The following CSMD1 variants were observed in gnomAD, a reference collection of about 807,000 sequenced individuals.
CSMD1 encodes CUB and Sushi multiple domains 1.
CSMD1 carries 213 observed loss-of-function variants against 417.5 expected under a neutral mutation model. That is an observed-to-expected ratio of 0.51 (90% CI 0.46 to 0.57). CSMD1 has a LOEUF of 0.57. CSMD1 is among the 20% of genes least tolerant of loss of function. The pLI, the probability that CSMD1 is intolerant of heterozygous loss-of-function variation, is 0.00. For missense variants in CSMD1, 6,923 were observed against 4,529.7 expected (o/e 1.53, Z -15.17); for synonymous variants, 2,862 against 1,736.8 (o/e 1.65, Z -16.11).
intron 1 of CSMD1, among the ~76,000 whole-genome samples, chr8:4,947,031 C>G (rs973792731): frequency 2.0e-5 from 3 of 152,106 alleles, no homozygotes; most frequent in African/African-American, 7.2e-5. Flanking sequence ...TAAGAACTTT[C>G]TTTTACCAGT....
chr8:4,236,024 T>G, intron 3 of CSMD1, among the ~76,000 whole-genome samples: 1 of 18,056 alleles, frequency 5.5e-5, no homozygotes, highest in African/African-American at 6.4e-5. Context: ...TTAATGGATA[T>G]TGTTTTTTTT....
chr8:4,695,062 T>A (rs1563158784), intron 1 of CSMD1, among the ~76,000 whole-genome samples: 1 of 152,204 alleles, frequency 6.6e-6, no homozygotes, highest in Non-Finnish European at 1.5e-5. Flanking sequence ...CTTATGGGAA[T>A]GTTCTTAACT....
chr8:4,188,346 A>G (rs1438825733), intron 3 of CSMD1, among the ~76,000 whole-genome samples: 1 of 152,172 alleles, frequency 6.6e-6, no homozygotes. Flanking sequence ...AGACAATGCA[A>G]ACCGAGGTGC....
At chr8:3,270,665 T>C (rs1055628702) in intron 26 of CSMD1, among the ~76,000 whole-genome samples, 12 of 152,188 alleles carry the variant, frequency 7.9e-5, no homozygotes, top group African/African-American at 2.9e-4. Flanking sequence ...CAGTATCAAG[T>C]ACTTCTGATA....
intron 1 of CSMD1, among the ~76,000 whole-genome samples, chr8:4,937,294 C>G (rs540463927): frequency 6.6e-6 from 1 of 152,068 alleles, no homozygotes; most frequent in Non-Finnish European, 1.5e-5. Context: ...CTGGGGGATA[C>G]CATATTCATG....
chr8:3,857,012 A>G (rs778647872), intron 5 of CSMD1, among the ~76,000 whole-genome samples: 1 of 152,178 alleles, frequency 6.6e-6, no homozygotes, highest in Non-Finnish European at 1.5e-5. Flanking sequence ...TTGTAATGGC[A>G]TGGCAATGAT....
At chr8:3,587,515 T>C (rs869039102) in intron 8 of CSMD1, among the ~76,000 whole-genome samples, 3 of 151,854 alleles carry the variant, frequency 2.0e-5, no homozygotes, top group Admixed American at 6.6e-5. Flanking sequence ...GAAACATAAA[T>C]AGATGCTTTC....
At chr8:4,332,556 C>A (rs12677149) in intron 3 of CSMD1, among the ~76,000 whole-genome samples, 1 of 20,488 alleles carries the variant, frequency 4.9e-5, no homozygotes, top group Admixed American at 3.1e-4. Flanking sequence ...ATCACATACA[C>A]ACACACACAC....
intron 23 of CSMD1, among the ~76,000 whole-genome samples, chr8:3,319,155 T>TA (rs942392564): frequency 9.9e-5 from 15 of 152,150 alleles, no homozygotes; most frequent in South Asian, 8.3e-4. Flanking sequence ...GCCTAGCTTT[T>TA]AAAAAAAATC....
intron 3 of CSMD1, among the ~76,000 whole-genome samples, chr8:4,311,772 G>C (rs1798593213): frequency 6.6e-6 from 1 of 151,530 alleles, no homozygotes; most frequent in African/African-American, 2.4e-5. Context: ...TTCATAGAGG[G>C]GAACACATAG....
intron 6 of CSMD1, among the ~76,000 whole-genome samples, chr8:3,740,799 G>A (rs1045996254): frequency 2.0e-5 from 3 of 152,214 alleles, no homozygotes; most frequent in Non-Finnish European, 4.4e-5. Context: ...TTTACCTTGA[G>A]CATCAGCTTA....
intron 3 of CSMD1, among the ~76,000 whole-genome samples, chr8:4,146,592 ACATTTTTT>A (rs1563184691): frequency 5.3e-5 from 3 of 56,892 alleles, no homozygotes; most frequent in African/African-American, 1.3e-4. Context: ...TTATATGGAC[ACATTTTTT>A]TTTTTTTTTT....
chr8:2,968,001 C>T (rs1451360111), intron 57 of CSMD1, among the ~76,000 whole-genome samples: 1 of 152,174 alleles, frequency 6.6e-6, no homozygotes. Context: ...TGATGGTTCA[C>T]GGTGTGACTT....
chr8:3,665,577 C>G (rs1435146725), intron 7 of CSMD1, among the ~76,000 whole-genome samples: 4 of 152,142 alleles, frequency 2.6e-5, no homozygotes, highest in Non-Finnish European at 5.9e-5. Flanking sequence ...TGATTCCTTA[C>G]TATCCCACTT....
intron 1 of CSMD1, among the ~76,000 whole-genome samples, chr8:4,682,683 T>C (rs1257608830): frequency 2.0e-5 from 3 of 151,908 alleles, no homozygotes; most frequent in Non-Finnish European, 4.4e-5. Flanking sequence ...GTGTACAGCT[T>C]CTTACCTTGG....
At chr8:3,962,803 G>C (rs1261686175) in intron 5 of CSMD1, among the ~76,000 whole-genome samples, 1 of 152,126 alleles carries the variant, frequency 6.6e-6, no homozygotes, top group Non-Finnish European at 1.5e-5. Context: ...AAAACATTGA[G>C]GGCAATAAGT....
rs556200262 is a variant in CSMD1 at position 4,130,237 on chromosome 8, G to T, written c.416-98138C>A. Among the ~76,000 whole-genome samples, 8 of 152,230 alleles carry T rather than the reference G, an allele frequency of 5.3e-5. No homozygotes were observed. The East Asian group carries it at 9.6e-4, about 18-fold the overall frequency. ...CACTTTCTTCTTGTCAGTCTAGTAT[G>T]TAAGTTTGGAGAGCCAAGGATGTCT... On this transcript the variant is annotated intron_variant, in intron 3 of 69. Transcript: ENST00000635120.
intron 22 of CSMD1, among the ~76,000 whole-genome samples, chr8:3,345,885 C>G (rs528008064): frequency 6.6e-6 from 1 of 152,258 alleles, no homozygotes; most frequent in African/African-American, 2.4e-5. Context: ...ATTGCGTTTT[C>G]CATTCTATAT....
chr8:3,506,351 T>C (rs908953968), intron 10 of CSMD1, among the ~76,000 whole-genome samples: 1 of 152,068 alleles, frequency 6.6e-6, no homozygotes, highest in African/African-American at 2.4e-5. Flanking sequence ...CTTGCCGGAG[T>C]TTGCATGCTA....
Sources: gnomAD v4.1 joint callset for allele counts (sites outside exome capture counted in the v4.1 genomes callset) on GRCh38, gnomAD v4.1.1 for gene constraint, MANE v1.5 for transcripts, NCBI Gene and HGNC (gene_info 2026-07-23, HGNC 2026-07-21) for gene names.